Variants in TM2D1 observed in about 807,000 individuals in gnomAD.
The protein encoded by TM2D1 is TM2 domain-containing protein 1.
In TM2D1, 15 loss-of-function variants were observed where a neutral mutation model predicts 28.4. The ratio of observed to expected loss-of-function variants is 0.53; its 90% CI spans 0.35 to 0.81. The LOEUF is 0.81. TM2D1 is among the 40% of genes least tolerant of loss of function. The probability of loss-of-function intolerance (pLI) is 0.01; values close to 1 mark genes in which losing one functional copy is unlikely to be tolerated. For missense variants in TM2D1, 236 were observed against 254.9 expected (o/e 0.93, Z 0.50); for synonymous variants, 93 against 96.2 (o/e 0.97, Z 0.20).
intron 3 of TM2D1, among the ~76,000 whole-genome samples, chr1:61,704,969 G>A (rs1644430424): frequency 6.6e-6 from 1 of 152,082 alleles, no homozygotes; most frequent in African/African-American, 2.4e-5. Flanking sequence ...GATATGAACT[G>A]TAAACACTCC....
chr1:61,708,858 A>G (rs946368801), intron 3 of TM2D1, among the ~76,000 whole-genome samples: 1 of 135,152 alleles, frequency 7.4e-6, no homozygotes, highest in Non-Finnish European at 1.6e-5. Flanking sequence ...TTGCATTTAT[A>G]AAAAAAAAAA....
At chr1:61,691,907 T>C (rs1483938343) in intron 5 of TM2D1, among the ~76,000 whole-genome samples, 4 of 69,372 alleles carry the variant, frequency 5.8e-5, no homozygotes, top group Non-Finnish European at 1.3e-4. Flanking sequence ...GAAAACTCCA[T>C]CTCAAAAAAA....
intron 5 of TM2D1, among the ~76,000 whole-genome samples, chr1:61,687,413 T>C (rs1644292099): frequency 6.6e-6 from 1 of 152,228 alleles, no homozygotes; most frequent in African/African-American, 2.4e-5. Context: ...ATGTTATATA[T>C]ATTTTACTGT....
chr1:61,723,798 AGTT>A lies in TM2D1; in HGVS notation c.165-15_165-13del. The A allele has an allele frequency of 7.4e-7, 1 of 1,357,418 alleles. No individual in the cohort carries two copies. The highest frequency in any genetic ancestry group is 1.0e-6 in the Non-Finnish European group (1 of 979,464). The allele number at this position is 1,357,418 out of a possible 1,614,324, so 84.1% of individuals were successfully genotyped here. The stretch of plus-strand genomic sequence containing the variant: ...CTTTACAAATATATGTAAAAAAAAA[AGTT>A]AAGGAAATACGGACTACATTCCAAC... On this transcript the variant is annotated splice_polypyrimidine_tract_variant and intron_variant, in intron 1 of 6. Transcript: ENST00000606498.
intron 2 of TM2D1, among the ~76,000 whole-genome samples, chr1:61,721,422 A>G (rs1471139783): frequency 6.6e-6 from 1 of 151,290 alleles, no homozygotes; most frequent in East Asian, 1.9e-4. Flanking sequence ...CACGCCTATA[A>G]TCCCAGCTAC....
chr1:61,705,079 A>G (rs893453855), intron 3 of TM2D1, among the ~76,000 whole-genome samples: 1 of 152,256 alleles, frequency 6.6e-6, no homozygotes. Context: ...TATCAGAACA[A>G]GTTTCAAAAA....
At chr1:61,691,321 C>T (rs1246617640) in intron 5 of TM2D1, among the ~76,000 whole-genome samples, 4 of 151,608 alleles carry the variant, frequency 2.6e-5, no homozygotes, top group South Asian at 4.2e-4. Context: ...ATTGGTGAAA[C>T]CCTATCTCTA....
intron 5 of TM2D1, among the ~76,000 whole-genome samples, chr1:61,691,930 A>T (rs866767776): frequency 2.1e-5 from 1 of 47,524 alleles, no homozygotes; most frequent in East Asian, 5.8e-4. Context: ...TTAAAAAAAA[A>T]AAATATATAT....
chr1:61,688,428 T>C (rs1372640681), intron 5 of TM2D1, among the ~76,000 whole-genome samples: 2 of 152,176 alleles, frequency 1.3e-5, no homozygotes, highest in Non-Finnish European at 2.9e-5. Context: ...TTGATGTCTA[T>C]AAAATGTCCT....
chr1:61,709,532 A>G, intron 2 of TM2D1, 95 bp from the exon 3 acceptor site: 1 of 809,050 alleles, frequency 1.2e-6, no homozygotes, highest in Non-Finnish European at 2.1e-6. Flanking sequence ...ATAACAAACT[A>G]CCTCCCAATA....
intron 5 of TM2D1, among the ~76,000 whole-genome samples, chr1:61,691,543 G>A (rs1432025865): frequency 1.4e-5 from 2 of 145,298 alleles, no homozygotes; most frequent in Non-Finnish European, 3.0e-5. Context: ...TGAGGAAAGA[G>A]GTTTAAATAT....
rs1305736835 is a variant in TM2D1 at position 61,704,836 on chromosome 1, G to A, written c.348-3811C>T. Among the ~76,000 whole-genome samples the A allele has an allele frequency of 3.9e-5, 6 of 152,154 alleles. No homozygotes were observed. The East Asian group carries it at 7.7e-4, about 20-fold the overall frequency. ...TCCCAGCACTTTAGGAGGCTGAGGT[G>A]GGAGGATCACTTCAGGCCATGAATT... is the stretch of plus-strand genomic sequence containing the variant. On this transcript the variant is annotated intron_variant, in intron 3 of 6. Transcript: ENST00000606498.
chr1:61,711,839 A>G (rs549301295), intron 2 of TM2D1, among the ~76,000 whole-genome samples: 190 of 152,308 alleles, frequency 1.2e-3, no homozygotes, highest in African/African-American at 4.4e-3. Context: ...GAGGTCAGCA[A>G]AAGTCTGAAA....
chr1:61,707,194 G>A (rs1480868437), intron 3 of TM2D1, among the ~76,000 whole-genome samples: 2 of 152,154 alleles, frequency 1.3e-5, no homozygotes, highest in African/African-American at 2.4e-5. Context: ...GGTTGAGGCT[G>A]CAATGAGACA....
chr1:61,710,417 C>A (rs1350152957), intron 2 of TM2D1, among the ~76,000 whole-genome samples: 6 of 123,146 alleles, frequency 4.9e-5, no homozygotes, highest in African/African-American at 1.5e-4. Context: ...CAGAGCAAGA[C>A]CCTGTCCCAA....
chr1:61,697,971 T>A (rs1164311434), intron 4 of TM2D1: 1 of 152,200 alleles, frequency 6.6e-6, no homozygotes, highest in Non-Finnish European at 1.5e-5. Context: ...AAGAAAGTGT[T>A]CTGTAGCAAA....
intron 2 of TM2D1, among the ~76,000 whole-genome samples, chr1:61,711,993 A>G (rs1338389713): frequency 2.0e-5 from 3 of 152,080 alleles, no homozygotes; most frequent in Non-Finnish European, 2.9e-5. Context: ...CAGCCACTCA[A>G]AGTACTGGGA....
intron 1 of TM2D1, chr1:61,724,572 T>TC (rs757952538): frequency 1.3e-4 from 25 of 188,908 alleles, no homozygotes; most frequent in Non-Finnish European, 2.2e-4. Context: ...TTACTTGTCT[T>TC]CCCCCTAGGA....
At position 61,709,335 on chromosome 1, in the gene TM2D1, C is replaced by A; in HGVS notation, c.341G>T (p.Arg114Leu). The change falls in exon 3 of 7, where the codon CGA (arginine) becomes CTA (leucine). Residue 114 changes from arginine to leucine, a missense_variant. Physicochemically the swap from Arg to Leu is moderately radical, Grantham distance 102. Transcript: ENST00000606498. ...EVGFFKPISCRNVNGYSYKVA... is the reference protein window; with the variant it reads ...EVGFFKPISCLNVNGYSYKVA... ...GTTTCAGTAATGTACTTACACATTT[C>A]GGCAAGATATGGGCTTGAAAAAACC... The A allele has an allele frequency of 6.2e-7, 1 of 1,604,118 alleles. No individual in the cohort carries two copies. Among genetic ancestry groups the A allele is most frequent in the South Asian group, 1.1e-5 (1 of 90,590 alleles).
Sources: allele counts gnomAD v4.1 joint callset (sites outside exome capture counted in the v4.1 genomes callset), GRCh38; gene constraint gnomAD v4.1.1; transcripts MANE v1.5; gene names NCBI Gene and HGNC (gene_info 2026-07-23, HGNC 2026-07-21).